The following SLC25A43 variants were observed in gnomAD, a reference collection of about 807,000 sequenced individuals.
The protein encoded by SLC25A43 is solute carrier family 25 member 43.
SLC25A43 carries 10 observed loss-of-function variants against 22.8 expected under a neutral mutation model. That is an observed-to-expected ratio of 0.44 (90% CI 0.27 to 0.74). SLC25A43 has a LOEUF of 0.74. Among genes scored for constraint, SLC25A43 ranks in the 30% least tolerant of loss-of-function variants. SLC25A43 has a pLI of 0.17. For missense variants in SLC25A43, 233 were observed against 279.1 expected (o/e 0.83, Z 1.18); for synonymous variants, 106 against 121.6 (o/e 0.87, Z 0.84).
chrX:119,404,539 A>G (rs182584428), intron 1 of SLC25A43, among the ~76,000 whole-genome samples: 331 of 111,784 alleles, frequency 3.0e-3, no homozygotes, highest in Non-Finnish European at 5.6e-3. Flanking sequence ...GAACCTCCAC[A>G]TGTTCAGCCA....
rs1183561888 is a variant in SLC25A43 at position 119,453,000 on chromosome X, G to A, written c.961G>A (p.Glu321Lys). The A allele has an allele frequency of 6.6e-6, 8 of 1,209,548 alleles. No homozygotes were observed. The highest frequency in any genetic ancestry group is 2.2e-5 in the Admixed American group (1 of 45,550). ...PGVDQSLQPQ[E>K]LRELKKFFKT... is the part of the protein sequence containing the mutation. ...AGTCGATCAGAGTTTGCAGCCCCAG[G>A]AATTACGAGAATTAAAGAAGTTCTT... Residue 321 changes from glutamate (E) to lysine (K), a missense_variant, in exon 5 of 5, where the codon GAA becomes AAA. Glu to Lys is a moderately conservative substitution (Grantham distance 56, BLOSUM62 1). Coordinates refer to ENST00000217909, the MANE Select transcript of SLC25A43 (RefSeq NM_145305.3).
At chrX:119,410,443 C>A (rs2052340081) in intron 3 of SLC25A43, 81 bp downstream of exon 3, 12 of 1,030,998 alleles carry the variant, frequency 1.2e-5, no homozygotes, top group Non-Finnish European at 1.6e-5. Context: ...AGAACACTGA[C>A]CCCAAGTGAT....
At chrX:119,415,166 G>A (rs1243933849) in intron 3 of SLC25A43, among the ~76,000 whole-genome samples, 2 of 109,206 alleles carry the variant, frequency 1.8e-5, no homozygotes, top group African/African-American at 6.6e-5. Context: ...CTCGTGATCC[G>A]CCTGCCTTGG....
chrX:119,441,227 G>A (rs2052619302), intron 3 of SLC25A43, among the ~76,000 whole-genome samples: 1 of 60,428 alleles, frequency 1.7e-5, no homozygotes, highest in South Asian at 1.0e-3. Context: ...GGAGTGACCC[G>A]ATTTTCCAGG....
chrX:119,423,130 A>G (rs758484116), intron 3 of SLC25A43: 1 of 111,648 alleles, frequency 9.0e-6, no homozygotes, highest in Non-Finnish European at 1.9e-5. Context: ...CCGCATCCCA[A>G]ATTTGATTGT....
intron 3 of SLC25A43, 56 bp downstream of exon 3, chrX:119,410,418 G>T (rs16995515): frequency 1.7e-6 from 2 of 1,145,110 alleles, no homozygotes; most frequent in East Asian, 3.0e-5. Context: ...GTTTGTGGTC[G>T]GGTAATAACA....
At chrX:119,429,139 C>T (rs1357105760) in intron 3 of SLC25A43, among the ~76,000 whole-genome samples, 3 of 108,095 alleles carry the variant, frequency 2.8e-5, no homozygotes, top group Non-Finnish European at 5.8e-5. Context: ...GCAACCTCCA[C>T]CTCCTAGGTT....
intron 4 of SLC25A43, among the ~76,000 whole-genome samples, chrX:119,452,517 A>G (rs1329363577): frequency 9.0e-6 from 1 of 111,431 alleles, no homozygotes; most frequent in Non-Finnish European, 1.9e-5. Flanking sequence ...ACAAAAACAA[A>G]AAACATTAAG....
rs1489893001 is a variant in SLC25A43 at position 119,399,509 on chromosome X, G to C, written c.106G>C (p.Ala36Pro). 9.1e-7 allele frequency: 1 copy of C among 1,093,651 alleles called. No homozygotes were observed. Among genetic ancestry groups the C allele is most frequent in the Non-Finnish European group, 1.2e-6 (1 of 840,451 alleles). The allele number at this position is 1,093,651 out of a possible 1,213,427, so 90.1% of individuals were successfully genotyped here. Residue 36 changes from alanine to proline, a missense_variant, in exon 1 of 5, where the codon GCC (alanine) becomes CCC (proline). By Grantham distance (27) the Ala-to-Pro change is conservative. Transcript: ENST00000217909. ...CAGCCTCACCGCGCCCCTGGAGCTC[G>C]CCACCGTGCTGGCCCAGGTTGGCGT... ...SLSLTAPLEL[A>P]TVLAQVGVVR...
At chrX:119,430,809 G>A (rs1349246847) in intron 3 of SLC25A43, among the ~76,000 whole-genome samples, 1 of 112,213 alleles carries the variant, frequency 8.9e-6, no homozygotes, top group Admixed American at 9.5e-5. Context: ...CCCTTTGGGA[G>A]CAACCAGCAC....
chrX:119,423,081 C>T (rs969505307), intron 3 of SLC25A43: 4 of 111,570 alleles, frequency 3.6e-5, no homozygotes, highest in Admixed American at 1.9e-4. Context: ...CCTGTGAAAC[C>T]TGTGGACACA....
At chrX:119,443,995 T>C (rs62599402) in intron 3 of SLC25A43, among the ~76,000 whole-genome samples, 24,850 of 109,894 alleles carry the variant, frequency 0.23, 2,333 homozygotes, top group African/African-American at 0.34. Context: ...GATCAAGCGA[T>C]CTGCCAGCCT....
At chrX:119,406,437 C>A (rs372665272) in intron 1 of SLC25A43, 23 bp from the exon 2 acceptor site, 3 of 1,207,191 alleles carry the variant, frequency 2.5e-6, no homozygotes, top group African/African-American at 3.5e-5. Flanking sequence ...ATTTCTCTGG[C>A]CTTTCCCCCT....
chrX:119,416,228 T>A (rs540400893), intron 3 of SLC25A43, among the ~76,000 whole-genome samples: 145 of 109,665 alleles, frequency 1.3e-3, no homozygotes, highest in Middle Eastern at 4.7e-3. Flanking sequence ...TTTTTTTTTT[T>A]AATTTTTTTG....
intron 1 of SLC25A43, 58 bp from the exon 2 acceptor site, chrX:119,406,402 A>G: frequency 8.5e-7 from 1 of 1,170,516 alleles, no homozygotes; most frequent in East Asian, 3.0e-5. Context: ...ACTAGTGGAG[A>G]GAACTCTAGC....
At chrX:119,403,033 C>A (rs190698255) in intron 1 of SLC25A43, among the ~76,000 whole-genome samples, 43 of 111,669 alleles carry the variant, frequency 3.9e-4, no homozygotes, top group African/African-American at 1.4e-3. Flanking sequence ...GGGCCTGTTT[C>A]CTCTCCGCTT....
At position 119,431,482 on chromosome X, in the gene SLC25A43, C is replaced by G. The variant is rs189082155; in HGVS notation, c.691-20527C>G. On this transcript the variant is annotated intron_variant, in intron 3 of 4. Transcript: ENST00000217909. Reference sequence around the variant, plus strand: ...AAGCCAAGATCGTGCCACTGCACTTCAGCCCGGAAGACAGTGAGACTGTGT... The same window carrying G: ...AAGCCAAGATCGTGCCACTGCACTTGAGCCCGGAAGACAGTGAGACTGTGT... Among the ~76,000 whole-genome samples the G allele has an allele frequency of 7.1e-5, 7 of 98,372 alleles. No homozygotes were observed. The East Asian group carries it at 1.9e-3, about 27-fold the overall frequency. 85.4% of individuals were successfully genotyped at this position (98,372 alleles called of 115,157 possible). A position where few individuals can be genotyped will look rare whatever the true frequency, so the allele number is the denominator to read the frequency against.
At chrX:119,451,006 T>C (rs1293812604) in intron 3 of SLC25A43, among the ~76,000 whole-genome samples, 1 of 110,418 alleles carries the variant, frequency 9.1e-6, no homozygotes, top group Non-Finnish European at 1.9e-5. Context: ...CTACTAAAAA[T>C]ATAAAAATTA....
intron 3 of SLC25A43, among the ~76,000 whole-genome samples, chrX:119,432,608 G>A (rs1348421115): frequency 9.1e-6 from 1 of 109,893 alleles, no homozygotes; most frequent in Non-Finnish European, 1.9e-5. Context: ...GGCCAACATC[G>A]TGAAACCCTG....
Sources: gnomAD v4.1 joint callset for allele counts (sites outside exome capture counted in the v4.1 genomes callset) on GRCh38, gnomAD v4.1.1 for gene constraint, MANE v1.5 for transcripts, NCBI Gene and HGNC (gene_info 2026-07-23, HGNC 2026-07-21) for gene names.